Variants in DLG5 observed in about 807,000 individuals in gnomAD.
The protein encoded by DLG5 is discs large MAGUK scaffold protein 5, also known as disks large homolog 5.
In DLG5, 48 loss-of-function variants were observed where a neutral mutation model predicts 189.8. The observed-to-expected ratio is 0.25, with a 90% CI of 0.20 to 0.32. DLG5 has a LOEUF of 0.32. Ranked by LOEUF, DLG5 falls within the 10% of genes least tolerant of loss-of-function variation. The probability of loss-of-function intolerance (pLI) is 1.00; values close to 1 mark genes in which losing one functional copy is unlikely to be tolerated. For missense variants in DLG5, 2,160 were observed against 2,544.7 expected, an observed-to-expected ratio of 0.85 and a Z score of 3.25; for synonymous variants, 1,016 against 1,054.1, an observed-to-expected ratio of 0.96 and a Z score of 0.70.
At chr10:77,916,841 G>A (rs1846371950) in intron 1 of DLG5, among the ~76,000 whole-genome samples, 2 of 147,858 alleles carry the variant, frequency 1.4e-5, no homozygotes, top group Admixed American at 1.4e-4. Context: ...TATTCACAAT[G>A]GCTAAAAGGT....
At chr10:77,891,573 G>GACACACACACACACACACACACAC (rs55688664) in intron 1 of DLG5, among the ~76,000 whole-genome samples, 17 of 140,578 alleles carry the variant, frequency 1.2e-4, no homozygotes, top group African/African-American at 3.2e-4. Flanking sequence ...TCCCCCAACA[G>GACACACACACACACACACACACAC]ACACACACAC....
intron 8 of DLG5, among the ~76,000 whole-genome samples, chr10:77,834,712 C>T (rs1028684096): frequency 1.3e-5 from 2 of 152,136 alleles, no homozygotes; most frequent in African/African-American, 2.4e-5. Context: ...TACCTCTCCA[C>T]AGCCTCGAAT....
At chr10:77,863,184 T>G (rs1314958451) in intron 2 of DLG5, among the ~76,000 whole-genome samples, 1 of 152,092 alleles carries the variant, frequency 6.6e-6, no homozygotes, top group Non-Finnish European at 1.5e-5. Context: ...CTCCACCTCC[T>G]GGGCTCAAGC....
At chr10:77,850,812 G>A (rs931925101) in intron 5 of DLG5, among the ~76,000 whole-genome samples, 1 of 152,226 alleles carries the variant, frequency 6.6e-6, no homozygotes, top group African/African-American at 2.4e-5. Context: ...CAGCCATACA[G>A]ACCAATTCTC....
chr10:77,895,242 G>C (rs558622551), intron 1 of DLG5, among the ~76,000 whole-genome samples: 1 of 152,058 alleles, frequency 6.6e-6, no homozygotes, highest in Non-Finnish European at 1.5e-5. Flanking sequence ...CGCCAATGCC[G>C]TTTCACTACT....
chr10:77,846,257 G>T (rs180690436), intron 5 of DLG5, among the ~76,000 whole-genome samples: 85 of 152,242 alleles, frequency 5.6e-4, no homozygotes, highest in African/African-American at 1.9e-3. Flanking sequence ...AAAAAAAGAC[G>T]AAGAATGGGC....
At chr10:77,833,767 C>A in intron 9 of DLG5, 147 bp downstream of exon 9, 3 of 1,160,522 alleles carry the variant, frequency 2.6e-6, no homozygotes, top group Non-Finnish European at 3.7e-6. Context: ...CAGAGTAAGG[C>A]AGAGTGAAGT....
At chr10:77,907,884 G>A (rs1846110198) in intron 1 of DLG5, among the ~76,000 whole-genome samples, 1 of 152,150 alleles carries the variant, frequency 6.6e-6, no homozygotes, top group South Asian at 2.1e-4. Context: ...GGTCAGGTAA[G>A]GACCCCTAAA....
At chr10:77,922,484 ATGTATCAAATCCG>A (rs1846564573) in intron 1 of DLG5, among the ~76,000 whole-genome samples, 1 of 152,176 alleles carries the variant, frequency 6.6e-6, no homozygotes, top group Admixed American at 6.5e-5. Context: ...CCGCAGATCC[ATGTATCAAATCCG>A]GGACAAAAGA....
At chr10:77,849,450 G>T (rs1373908869) in intron 5 of DLG5, among the ~76,000 whole-genome samples, 1 of 152,220 alleles carries the variant, frequency 6.6e-6, no homozygotes, top group Non-Finnish European at 1.5e-5. Context: ...AAGGCAAGGG[G>T]GCCCAGGATG....
At position 77,926,561 on chromosome 10, in the gene DLG5, G is replaced by C. The variant is rs1338089300; in HGVS notation, c.-41C>G. On this transcript the variant is annotated 5_prime_UTR_variant, in exon 1 of 32. Coordinates refer to ENST00000372391, the MANE Select transcript of DLG5 (RefSeq NM_004747.4). This position sits in a 1 kb window ranked among gnomAD's most constrained non-coding sequence, Gnocchi z 5.2. The stretch of plus-strand genomic sequence containing the variant: ...CGCCCCGCCCCGCCGGACGCCTCCC[G>C]GGCCCCCCGAGGCCGGCGGGCGGGC... 1.6e-6 allele frequency: 2 copies of C among 1,218,166 alleles called. No homozygotes were observed. The highest frequency in any genetic ancestry group is 6.6e-5 in the East Asian group (2 of 30,110). 75.5% of individuals were successfully genotyped at this position (1,218,166 alleles called of 1,614,324 possible).
intron 14 of DLG5, among the ~76,000 whole-genome samples, chr10:77,823,402 T>C (rs1842461609): frequency 6.6e-6 from 1 of 152,216 alleles, no homozygotes; most frequent in Admixed American, 6.5e-5. Flanking sequence ...TGTAGAAAAG[T>C]ATAATAAATG....
chr10:77,792,652 C>T, intron 31 of DLG5, 109 bp from the exon 32 acceptor site: 1 of 946,466 alleles, frequency 1.1e-6, no homozygotes, highest in South Asian at 1.4e-5. Context: ...CTGCTTTGTG[C>T]TCCTTGGCAC....
At chr10:77,870,635 T>C (rs1844859108) in intron 1 of DLG5, among the ~76,000 whole-genome samples, 1 of 151,662 alleles carries the variant, frequency 6.6e-6, no homozygotes, top group Admixed American at 6.6e-5. Flanking sequence ...CAGTGAGCCA[T>C]GATCATGCCA....
chr10:77,924,375 G>T (rs1049049280), intron 1 of DLG5, among the ~76,000 whole-genome samples: 4 of 152,018 alleles, frequency 2.6e-5, no homozygotes, highest in Non-Finnish European at 4.4e-5. Flanking sequence ...GCCCCATGAG[G>T]CCCCACATTC....
rs894053294 is a variant in DLG5, at chr10:77,926,489, T to C, written c.32A>G (p.Gln11Arg). Residue 11 changes from glutamine to arginine, a missense_variant, in exon 1 of 32, where the codon CAG (glutamine) becomes CGG (arginine). Physicochemically the swap from Gln to Arg is conservative, Grantham distance 43 (BLOSUM62 1). This residue lies in a region of DLG5 where 664 missense variants were observed against 838.5 expected (regional missense o/e 0.79). Coordinates refer to ENST00000372391, the MANE Select transcript of DLG5 (RefSeq NM_004747.4). The surrounding 1 kb of genome is among the most constrained non-coding windows in gnomAD (Gnocchi z 5.2). The part of the protein sequence containing the change: MEPQRRELLA[Q>R]CQQSLAQAMT... ...GGCCTGGGCCAGGCTCTGCTGACAC[T>C]GGGCGAGCAGCTCCCGGCGCTGGGG... The C allele has an allele frequency of 6.3e-6, 9 of 1,431,934 alleles. No individual in the cohort carries two copies. The African/African-American group carries it at 8.8e-5, about 14-fold the overall frequency. 88.7% of individuals were successfully genotyped at this position (1,431,934 alleles called of 1,614,324 possible). A position where few individuals can be genotyped will look rare whatever the true frequency, so the allele number is the denominator to read the frequency against.
In DLG5 at chr10:77,833,896, G is replaced by A. The variant is rs1193918234; in HGVS notation, c.1748+18C>T. Reference sequence around the variant, plus strand: ...CCCAGATGCATGCCCACTCCAGCGGGTGCCCACCCGAGCCTACTTGAGCTC... The same window carrying A: ...CCCAGATGCATGCCCACTCCAGCGGATGCCCACCCGAGCCTACTTGAGCTC... On this transcript the variant is annotated intron_variant, in intron 9 of 31. Transcript: ENST00000372391. The A allele has an allele frequency of 2.5e-6, 4 of 1,604,524 alleles. No homozygotes were observed. The highest frequency in any genetic ancestry group is 3.4e-6 in the Non-Finnish European group (4 of 1,179,448).
chr10:77,880,124 G>C (rs1387859330), intron 1 of DLG5, among the ~76,000 whole-genome samples: 1 of 152,072 alleles, frequency 6.6e-6, no homozygotes, highest in African/African-American at 2.4e-5. Context: ...GAGGAGAAGT[G>C]GGTAGTGAGA....
chr10:77,808,648 C>G (rs934720654), intron 24 of DLG5, among the ~76,000 whole-genome samples: 6 of 152,296 alleles, frequency 3.9e-5, no homozygotes, highest in Admixed American at 3.3e-4. Context: ...CTCATCAGAA[C>G]AGAGTCCTGC....
Sources: gnomAD v4.1 joint callset for allele counts (sites outside exome capture counted in the v4.1 genomes callset) on GRCh38, gnomAD v4.1.1 for gene constraint, gnomAD v4.1.1 regional missense constraint, Gnocchi (gnomAD v3.1) non-coding constraint, MANE v1.5 for transcripts, NCBI Gene and HGNC (gene_info 2026-07-23, HGNC 2026-07-21) for gene names.